The following SCPEP1 variants were observed in gnomAD, a reference collection of about 807,000 sequenced individuals.
SCPEP1 encodes retinoid-inducible serine carboxypeptidase.
SCPEP1 carries 51 observed loss-of-function variants against 63.8 expected under a neutral mutation model. The observed-to-expected ratio is 0.80, with a 90% CI of 0.64 to 1.01. SCPEP1 has a LOEUF of 1.01. Among genes scored for constraint, SCPEP1 ranks in the 50% least tolerant of loss-of-function variants. The pLI is 0.00. For missense variants in SCPEP1, 499 were observed against 554.9 expected, an observed-to-expected ratio of 0.90 and a Z score of 1.01; for synonymous variants, 204 against 207.8, an observed-to-expected ratio of 0.98 and a Z score of 0.16.
intron 2 of SCPEP1, 37 bp from the exon 3 acceptor site, chr17:56,985,341 G>A (rs769877977): frequency 8.6e-6 from 13 of 1,520,300 alleles, no homozygotes; most frequent in Middle Eastern, 3.4e-4. Flanking sequence ...ACTAAGATCT[G>A]ACTAAAATTT....
chr17:56,984,748 C>T (rs79413541), intron 2 of SCPEP1: 3,461 of 154,146 alleles, frequency 0.022, 136 homozygotes, highest in African/African-American at 0.079. Context: ...GTGTCTAGTC[C>T]GGTTAGAGCT....
At chr17:56,987,593 C>G in intron 3 of SCPEP1, 102 bp from the exon 4 acceptor site, 1 of 1,121,380 alleles carries the variant, frequency 8.9e-7, no homozygotes, top group Non-Finnish European at 1.3e-6. Context: ...ACGCTGGTAT[C>G]CTCACATGTG....
intron 2 of SCPEP1, among the ~76,000 whole-genome samples, chr17:56,982,485 A>C (rs1306910333): frequency 6.6e-6 from 1 of 152,188 alleles, no homozygotes; most frequent in Non-Finnish European, 1.5e-5. Flanking sequence ...TGCGGTTATG[A>C]TAATGCAGAA....
At chr17:57,000,212 G>A (rs148450903) in intron 10 of SCPEP1, among the ~76,000 whole-genome samples, 26 of 152,192 alleles carry the variant, frequency 1.7e-4, no homozygotes, top group African/African-American at 6.3e-4. Context: ...ATCTCCCAAG[G>A]TAATGAAGAA....
At chr17:56,987,486 G>C in intron 3 of SCPEP1, 1 of 381,826 alleles carries the variant, frequency 2.6e-6, no homozygotes, top group Non-Finnish European at 4.6e-6. Flanking sequence ...TTTTTGCGGC[G>C]GCGGGGGCGG....
At chr17:56,999,100 T>C (rs1174592967) in intron 10 of SCPEP1, among the ~76,000 whole-genome samples, 1 of 152,212 alleles carries the variant, frequency 6.6e-6, no homozygotes, top group East Asian at 1.9e-4. Flanking sequence ...TGTATGCTTC[T>C]CCTTTCTATC....
intron 3 of SCPEP1, among the ~76,000 whole-genome samples, chr17:56,986,078 C>T (rs1030364944): frequency 7.9e-5 from 12 of 152,238 alleles, no homozygotes; most frequent in African/African-American, 2.4e-4. Context: ...TGCTGCACAG[C>T]GTGGGCCCCA....
chr17:56,993,158 A>G (rs1180280920), intron 6 of SCPEP1, among the ~76,000 whole-genome samples: 2 of 152,192 alleles, frequency 1.3e-5, no homozygotes, highest in East Asian at 3.8e-4. Flanking sequence ...AGCCCATGTG[A>G]CCATGTCAGT....
At position 57,006,229 on chromosome 17, in the gene SCPEP1, A is replaced by G. The variant is rs1485453797; in HGVS notation, c.1353A>G (p.Gln451=). Residue 451 remains glutamine, a synonymous_variant, in exon 13 of 13, where the codon CAA becomes CAG. Coordinates refer to ENST00000262288, the MANE Select transcript of SCPEP1 (RefSeq NM_021626.3). The part of the protein sequence containing the change: ...ALKMMRLVTQ[Q]E ...AGATGATGAGACTGGTGACTCAGCA[A>G]GAATAGGATGGATGGGGCTGGAGAT... The G allele has an allele frequency of 8.7e-6, 14 of 1,611,624 alleles. No homozygotes were observed. Among genetic ancestry groups the G allele is most frequent in the Non-Finnish European group, 1.2e-5 (14 of 1,179,002 alleles).
intron 2 of SCPEP1, 142 bp from the exon 3 acceptor site, chr17:56,985,236 T>A (rs1035262353): frequency 3.8e-5 from 25 of 662,250 alleles, no homozygotes; most frequent in Non-Finnish European, 6.7e-5. Flanking sequence ...TGGAAGTCCC[T>A]GGTTCACTAG....
Position 57,006,218 on chromosome 17 carries a change from G to T in SCPEP1, c.1342G>T (p.Val448Leu). The T allele has an allele frequency of 6.2e-7, 1 of 1,611,692 alleles. No homozygotes were observed. Among genetic ancestry groups the T allele is most frequent in the African/African-American group, 1.3e-5 (1 of 74,880 alleles). The stretch of plus-strand genomic sequence containing the variant: ...CATGGCTCTGAAGATGATGAGACTG[G>T]TGACTCAGCAAGAATAGGATGGATG... ...GDMALKMMRL[V>L]TQQE is the part of the protein sequence containing the mutation. The change falls in exon 13 of 13, where the codon GTG becomes TTG. Residue 448 changes from valine (V) to leucine (L), a missense_variant. Coordinates refer to ENST00000262288, the MANE Select transcript of SCPEP1 (RefSeq NM_021626.3).
In SCPEP1 at chr17:57,000,958, T is replaced by C; in HGVS notation, c.1098T>C (p.Tyr366=). The C allele has an allele frequency of 6.2e-7, 1 of 1,614,128 alleles. No individual in the cohort carries two copies. The highest frequency in any genetic ancestry group is 8.5e-7 in the Non-Finnish European group (1 of 1,180,024). The change falls in exon 11 of 13, where the codon TAT becomes TAC. Residue 366 remains tyrosine (Y), a synonymous_variant. Transcript: ENST00000262288. ...AGGCAGGGATCAACGTGACGGTGTA[T>C]AATGGACAGCTGGATCTCATCGTAG... ...LLEAGINVTV[Y]NGQLDLIVDT... is the part of the protein sequence containing the mutation.
chr17:56,978,252 G>T lies in SCPEP1; in HGVS notation c.76+17G>T. 5 of 1,526,164 alleles carry T rather than the reference G, an allele frequency of 3.3e-6. No homozygotes were observed. Among genetic ancestry groups the T allele is most frequent in the Non-Finnish European group, 4.4e-6 (5 of 1,139,202 alleles). 94.5% of individuals were successfully genotyped at this position (1,526,164 alleles called of 1,614,324 possible). A position where few individuals can be genotyped will look rare whatever the true frequency, so the allele number is the denominator to read the frequency against. ...TGAACGCAGGTAGGTTCAAGCAAGA[G>T]GCGCACCAGCTGCCATGCCTCTTTT... On this transcript the variant is annotated intron_variant, in intron 1 of 12. Transcript: ENST00000262288.
intron 6 of SCPEP1, among the ~76,000 whole-genome samples, chr17:56,994,253 T>C (rs1911480470): frequency 6.6e-6 from 1 of 152,242 alleles, no homozygotes; most frequent in Non-Finnish European, 1.5e-5. Flanking sequence ...AGAGACATAC[T>C]CAAATGTGCT....
intron 4 of SCPEP1, 29 bp downstream of exon 4, chr17:56,987,879 A>C: frequency 2.5e-6 from 4 of 1,611,948 alleles, no homozygotes; most frequent in Non-Finnish European, 3.4e-6. Flanking sequence ...ACAGCTAAGT[A>C]AAGGGCTGGC....
chr17:56,995,416 C>A, intron 7 of SCPEP1, 91 bp from the exon 8 acceptor site: 2 of 1,375,240 alleles, frequency 1.5e-6, no homozygotes, highest in Non-Finnish European at 2.0e-6. Flanking sequence ...TCCTTCCTTC[C>A]CCTCTTTCTC....
chr17:56,988,358 A>G (rs1057228113), intron 5 of SCPEP1, 68 bp downstream of exon 5: 3 of 1,186,550 alleles, frequency 2.5e-6, no homozygotes, highest in African/African-American at 1.5e-5. Context: ...TTATGTACTC[A>G]CGTGCTATTA....
At chr17:56,988,604 G>A (rs1411195894) in intron 5 of SCPEP1, among the ~76,000 whole-genome samples, 4 of 151,608 alleles carry the variant, frequency 2.6e-5, no homozygotes, top group Non-Finnish European at 5.9e-5. Flanking sequence ...TCATATATTT[G>A]TATTTTATAT....
At chr17:56,980,983 C>A in intron 1 of SCPEP1, 99 bp from the exon 2 acceptor site, 2 of 1,380,502 alleles carry the variant, frequency 1.4e-6, no homozygotes, top group Non-Finnish European at 2.0e-6. Flanking sequence ...AACTATAAAA[C>A]AAATCATCTC....
Sources: gnomAD v4.1 joint callset for allele counts (sites outside exome capture counted in the v4.1 genomes callset) on GRCh38, gnomAD v4.1.1 for gene constraint, MANE v1.5 for transcripts, NCBI Gene and HGNC (gene_info 2026-07-23, HGNC 2026-07-21) for gene names.